Variants in ZFHX3 observed in about 807,000 individuals in gnomAD.
ZFHX3 encodes zinc finger homeobox 3, also known as zinc finger homeobox protein 3.
A neutral mutation model predicts 279.1 loss-of-function variants in ZFHX3; 42 were observed. The ratio of observed to expected loss-of-function variants is 0.15; its 90% CI spans 0.12 to 0.19. The LOEUF is 0.19. Among genes scored for constraint, ZFHX3 ranks in the 10% least tolerant of loss-of-function variants. ZFHX3 has a pLI of 1.00. For missense variants in ZFHX3, 4,981 were observed against 4,754.0 expected (o/e 1.05, Z -1.40); for synonymous variants, 2,293 against 1,957.8 (o/e 1.17, Z -4.52).
chr16:73,501,428 G>GA (rs796374329), intron 2 of ZFHX3, among the ~76,000 whole-genome samples: 8 of 152,106 alleles, frequency 5.3e-5, no homozygotes, highest in African/African-American at 1.7e-4. Flanking sequence ...CACATCTCAA[G>GA]AAAAAAAGCG....
chr16:72,864,535 T>C (rs755755674), intron 4 of ZFHX3, among the ~76,000 whole-genome samples: 3 of 152,210 alleles, frequency 2.0e-5, no homozygotes, highest in Non-Finnish European at 2.9e-5. Context: ...GCATTGTATC[T>C]TGGCAACAGA....
chr16:73,658,250 TCA>T (rs1283670282), intron 2 of ZFHX3, among the ~76,000 whole-genome samples: 1 of 152,226 alleles, frequency 6.6e-6, no homozygotes, highest in Non-Finnish European at 1.5e-5. Flanking sequence ...AAAATGTTTC[TCA>T]TTTATTGAGA....
chr16:73,819,126 C>T (rs145832584), intron 1 of ZFHX3, among the ~76,000 whole-genome samples: 222 of 152,074 alleles, frequency 1.5e-3, no homozygotes, highest in African/African-American at 5.0e-3. Context: ...CAGTCAATTA[C>T]CAATGGCATA....
chr16:73,450,456 T>TAA (rs11449684), intron 3 of ZFHX3, among the ~76,000 whole-genome samples: 7 of 151,248 alleles, frequency 4.6e-5, no homozygotes, highest in African/African-American at 9.7e-5. Context: ...GTCATTTTTA[T>TAA]AAAAAAAAAG....
intron 8 of ZFHX3, among the ~76,000 whole-genome samples, chr16:73,085,985 C>CAAAA (rs57128744): frequency 3.0e-4 from 16 of 54,208 alleles, no homozygotes; most frequent in African/African-American, 5.5e-4. Flanking sequence ...AACTCAATTG[C>CAAAA]AAAAAAAAAA....
At chr16:73,234,998 C>G (rs1030627878) in intron 5 of ZFHX3, among the ~76,000 whole-genome samples, 1 of 152,242 alleles carries the variant, frequency 6.6e-6, no homozygotes, top group South Asian at 2.1e-4. Context: ...ACAATGCTGT[C>G]TAGAAGCTGA....
At chr16:73,193,624 G>T (rs1229401809) in intron 5 of ZFHX3, among the ~76,000 whole-genome samples, 1 of 152,160 alleles carries the variant, frequency 6.6e-6, no homozygotes, top group Admixed American at 6.5e-5. Context: ...GTTCTGGTTT[G>T]TTTTGAAAGG....
At chr16:73,376,407 G>T (rs552884058) in intron 3 of ZFHX3, among the ~76,000 whole-genome samples, 21 of 152,228 alleles carry the variant, frequency 1.4e-4, no homozygotes, top group African/African-American at 5.1e-4. Flanking sequence ...CCTTCACTCA[G>T]CTCGTCCGTA....
chr16:73,507,485 CTTTTTTT>C (rs752001880), intron 2 of ZFHX3, among the ~76,000 whole-genome samples: 7 of 79,788 alleles, frequency 8.8e-5, no homozygotes, highest in South Asian at 5.2e-4. Flanking sequence ...AGCTCTGCCA[CTTTTTTT>C]TTTTTTTTTT....
At chr16:73,358,100 G>A (rs1175106422) in intron 3 of ZFHX3, among the ~76,000 whole-genome samples, 2 of 152,180 alleles carry the variant, frequency 1.3e-5, no homozygotes, top group African/African-American at 4.8e-5. Context: ...TAACTCTTCT[G>A]TATCTGTCAA....
At chr16:73,180,874 G>C (rs1034261385) in intron 5 of ZFHX3, among the ~76,000 whole-genome samples, 12 of 152,102 alleles carry the variant, frequency 7.9e-5, no homozygotes, top group Admixed American at 6.6e-5. Flanking sequence ...TTTTGGTCAG[G>C]CTGGTCTCAA....
chr16:73,015,932 G>A (rs923082823), intron 1 of ZFHX3: 4 of 152,200 alleles, frequency 2.6e-5, no homozygotes, highest in Admixed American at 6.5e-5. Flanking sequence ...CACACCATAC[G>A]GGCACTGGCC....
At chr16:73,126,048 A>G (rs1213286470) in intron 7 of ZFHX3, among the ~76,000 whole-genome samples, 1 of 152,144 alleles carries the variant, frequency 6.6e-6, no homozygotes, top group East Asian at 1.9e-4. Context: ...AAAAATGCAC[A>G]GAGAGGAAGC....
At chr16:73,489,849 A>G (rs2019030475) in intron 2 of ZFHX3, among the ~76,000 whole-genome samples, 1 of 152,182 alleles carries the variant, frequency 6.6e-6, no homozygotes, top group African/African-American at 2.4e-5. Flanking sequence ...TTGTAACAAC[A>G]TTAGCACTCT....
chr16:73,604,141 G>C (rs1368380001), intron 2 of ZFHX3, among the ~76,000 whole-genome samples: 1 of 151,784 alleles, frequency 6.6e-6, no homozygotes, highest in African/African-American at 2.4e-5. Flanking sequence ...TCTCAACACT[G>C]TTTATATATA....
chr16:73,470,453 C>T (rs2018646975), intron 2 of ZFHX3, among the ~76,000 whole-genome samples: 1 of 152,142 alleles, frequency 6.6e-6, no homozygotes, highest in African/African-American at 2.4e-5. Flanking sequence ...AGAAAGCACA[C>T]CACTAGTGCT....
chr16:73,431,134 C>T (rs1431278927), intron 3 of ZFHX3, among the ~76,000 whole-genome samples: 2 of 152,176 alleles, frequency 1.3e-5, no homozygotes, highest in African/African-American at 4.8e-5. Context: ...ACGGCATTGA[C>T]AGAAAATTCA....
intron 2 of ZFHX3, among the ~76,000 whole-genome samples, chr16:73,532,403 C>G (rs373256014): frequency 1.3e-5 from 2 of 152,140 alleles, no homozygotes; most frequent in South Asian, 4.1e-4. Context: ...TGAGGCCTCC[C>G]CAGCTATGTG....
intron 4 of ZFHX3, among the ~76,000 whole-genome samples, chr16:72,875,148 T>G (rs1028382067): frequency 1.7e-4 from 26 of 152,220 alleles, no homozygotes; most frequent in Non-Finnish European, 3.1e-4. Context: ...AAACTGCCCC[T>G]TACTGGCTCA....
Sources: gnomAD v4.1 joint callset for allele counts (sites outside exome capture counted in the v4.1 genomes callset) on GRCh38, gnomAD v4.1.1 for gene constraint, MANE v1.5 for transcripts, NCBI Gene and HGNC (gene_info 2026-07-23, HGNC 2026-07-21) for gene names.